The following HDGFL3 variants were observed in gnomAD, a reference collection of about 807,000 sequenced individuals.
HDGFL3 encodes the protein hepatoma-derived growth factor-related protein 3.
A neutral mutation model predicts 27.6 loss-of-function variants in HDGFL3; 6 were observed. The observed-to-expected ratio is 0.22, with a 90% CI of 0.12 to 0.43. The LOEUF (loss-of-function observed/expected upper bound fraction) is 0.43. Ranked by LOEUF, HDGFL3 falls within the 20% of genes least tolerant of loss-of-function variation. HDGFL3 has a pLI of 1.00. For missense variants in HDGFL3, 207 were observed against 250.1 expected, an observed-to-expected ratio of 0.83 and a Z score of 1.16; for synonymous variants, 88 against 88.9, an observed-to-expected ratio of 0.99 and a Z score of 0.05.
chr15:83,156,683 T>C (rs1596550986), intron 4 of HDGFL3, among the ~76,000 whole-genome samples: 2 of 152,272 alleles, frequency 1.3e-5, no homozygotes, highest in East Asian at 3.9e-4. Flanking sequence ...AATGACAAAA[T>C]TGCCTAATGA....
intron 1 of HDGFL3, among the ~76,000 whole-genome samples, chr15:83,187,836 G>C (rs957451727): frequency 6.8e-6 from 1 of 148,028 alleles, no homozygotes; most frequent in African/African-American, 2.5e-5. Flanking sequence ...GCAGTGAGCT[G>C]AGATTGTGCC....
rs1472080653 is a variant in HDGFL3, at chr15:83,181,926, G to A, written c.85-17851C>T. 2.6e-5 allele frequency among the ~76,000 whole-genome samples: 4 copies of A among 152,178 alleles called. No homozygotes were observed. In the East Asian group the frequency reaches 7.7e-4, roughly 29 times the overall value. ...ATAAAATAAAACACACTTGCTTTTA[G>A]GGTTTATTTTTACTTTTGTTGAGGT... On this transcript the variant is annotated intron_variant, in intron 1 of 5. Coordinates refer to ENST00000299633, the MANE Select transcript of HDGFL3 (RefSeq NM_016073.4).
chr15:83,118,149 G>A (rs1192485328), intron 3 of HDGFL3, among the ~76,000 whole-genome samples: 2 of 151,976 alleles, frequency 1.3e-5, no homozygotes, highest in Non-Finnish European at 2.9e-5. Context: ...ATCGCTTGAC[G>A]CCAGGAGTTG....
intron 3 of HDGFL3, among the ~76,000 whole-genome samples, chr15:83,120,703 C>T (rs1482375841): frequency 2.7e-5 from 4 of 150,800 alleles, no homozygotes; most frequent in Admixed American, 2.0e-4. Flanking sequence ...GGACTACAGG[C>T]GTGTGTCACT....
rs568904021 is a variant in HDGFL3 at position 83,176,030 on chromosome 15, G to A, written c.85-11955C>T. Among the ~76,000 whole-genome samples the A allele has an allele frequency of 1.6e-4, 25 of 152,314 alleles. No homozygotes were observed. In the East Asian group the frequency reaches 3.1e-3, roughly 19 times the overall value. On this transcript the variant is annotated intron_variant, in intron 1 of 5. Coordinates refer to ENST00000299633, the MANE Select transcript of HDGFL3 (RefSeq NM_016073.4). ...GGATGATAGGTACCTAATCTCTGTT[G>A]GATGCAGCATGGCAAAGAATCTGAT...
At chr15:83,124,912 C>T, downstream of HDGFL3, 1 of 737,020 alleles carries the variant, frequency 1.4e-6, no homozygotes, top group Middle Eastern at 3.3e-4. Flanking sequence ...CCATCAAAGC[C>T]TGGAGCCCTG....
chr15:83,126,649 A>T, downstream of HDGFL3: 2 of 891,300 alleles, frequency 2.2e-6, no homozygotes, highest in Non-Finnish European at 3.5e-6. Flanking sequence ...ACGTTTTGTT[A>T]AACAGCAAAG....
chr15:83,178,796 G>A (rs2151414590), intron 1 of HDGFL3, among the ~76,000 whole-genome samples: 1 of 152,264 alleles, frequency 6.6e-6, no homozygotes, highest in Non-Finnish European at 1.5e-5. Flanking sequence ...ATTCTCAGAT[G>A]TCTATGCTCC....
chr15:83,169,391 G>C (rs1158852477), intron 1 of HDGFL3, among the ~76,000 whole-genome samples: 1 of 124,604 alleles, frequency 8.0e-6, no homozygotes, highest in African/African-American at 3.2e-5. Flanking sequence ...CTCCAGCCTG[G>C]GCGACAGAGC....
intron 3 of HDGFL3, among the ~76,000 whole-genome samples, chr15:83,116,352 G>A (rs2034658611): frequency 6.6e-6 from 1 of 152,178 alleles, no homozygotes; most frequent in South Asian, 2.1e-4. Context: ...TGATTGTGAT[G>A]GCTTGCACTC....
Position 83,140,481 on chromosome 15 carries a change from G to C in HDGFL3, c.607-1206C>G, listed in dbSNP as rs59896565. On this transcript the variant is annotated intron_variant, in intron 5 of 5. Transcript: ENST00000299633. ...AAAAATTGTTAGTCAACCAAAGAAAGTTTTTTTTTTTTTTTTTTGAGACAG... is the reference window on the plus strand; with the variant it reads ...AAAAATTGTTAGTCAACCAAAGAAACTTTTTTTTTTTTTTTTTTGAGACAG... 1.2e-3 allele frequency among the ~76,000 whole-genome samples: 157 copies of C among 135,742 alleles called. 4 individuals carry two copies. The highest frequency in any genetic ancestry group is 4.1e-3 in the Middle Eastern group (1 of 244). The allele number at this position is 135,742 out of a possible 152,430, so 89.1% of individuals were successfully genotyped here. A position where few individuals can be genotyped will look rare whatever the true frequency, so the allele number is the denominator to read the frequency against.
At chr15:83,146,712 C>G (rs2036900528) in intron 5 of HDGFL3, among the ~76,000 whole-genome samples, 1 of 152,188 alleles carries the variant, frequency 6.6e-6, no homozygotes, top group African/African-American at 2.4e-5. Flanking sequence ...GAAAAACACA[C>G]AACCATTGTG....
At chr15:83,121,169 C>CTGT (rs1325313297) in intron 3 of HDGFL3, among the ~76,000 whole-genome samples, 7 of 152,090 alleles carry the variant, frequency 4.6e-5, no homozygotes, top group Admixed American at 2.6e-4. Flanking sequence ...CTCCCAGGTT[C>CTGT]AACCATTTCT....
intron 1 of HDGFL3, among the ~76,000 whole-genome samples, chr15:83,174,338 C>T (rs2151412288): frequency 6.6e-6 from 1 of 152,202 alleles, no homozygotes; most frequent in Non-Finnish European, 1.5e-5. Flanking sequence ...AAAGTGAGCA[C>T]CATTCCCATT....
rs1350113907 is a variant in HDGFL3, at chr15:83,112,790, G to T, written c.*2919C>A. 6 of 1,607,780 alleles carry T rather than the reference G, an allele frequency of 3.7e-6. No homozygotes were observed. The East Asian group carries it at 8.9e-5, about 24-fold the overall frequency. On this transcript the variant is annotated 3_prime_UTR_variant, in exon 4 of 4. Transcript: ENST00000568294. ...TAGTGACCACCTCCCTGTTCTGGTCGTTGCAGTTCCTGGACTATTGTAGGG... is the reference window on the plus strand; with the variant it reads ...TAGTGACCACCTCCCTGTTCTGGTCTTTGCAGTTCCTGGACTATTGTAGGG...
intron 1 of HDGFL3, among the ~76,000 whole-genome samples, chr15:83,174,020 G>A (rs966170804): frequency 6.6e-6 from 1 of 152,040 alleles, no homozygotes; most frequent in African/African-American, 2.4e-5. Context: ...AAGAAAAGAT[G>A]GACTTTCAGT....
At chr15:83,167,098 G>C (rs1185815185) in intron 1 of HDGFL3, among the ~76,000 whole-genome samples, 1 of 152,130 alleles carries the variant, frequency 6.6e-6, no homozygotes, top group African/African-American at 2.4e-5. Flanking sequence ...AAGAAAACAA[G>C]ACTTATCTGT....
intron 1 of HDGFL3, among the ~76,000 whole-genome samples, chr15:83,186,589 A>T (rs1429878202): frequency 6.6e-6 from 1 of 152,232 alleles, no homozygotes; most frequent in Non-Finnish European, 1.5e-5. Flanking sequence ...AGCAACCTGG[A>T]TGAAACCGAA....
exon 4 of HDGFL3, chr15:83,112,860 C>T (rs1335686573): frequency 6.2e-7 from 1 of 1,614,130 alleles, no homozygotes; most frequent in Admixed American, 1.7e-5. Flanking sequence ...TGGCTCGTGT[C>T]CTCGTCAAAA....
Sources: gnomAD v4.1 joint callset for allele counts (sites outside exome capture counted in the v4.1 genomes callset) on GRCh38, gnomAD v4.1.1 for gene constraint, MANE v1.5 for transcripts, NCBI Gene and HGNC (gene_info 2026-07-23, HGNC 2026-07-21) for gene names.